MACROD2: variants seen among roughly 807,000 people sequenced by gnomAD.
MACROD2 encodes ADP-ribose glycohydrolase MACROD2.
MACROD2 carries 36 observed loss-of-function variants against 70.4 expected under a neutral mutation model. That is an observed-to-expected ratio of 0.51 (90% CI 0.39 to 0.68). MACROD2 has a LOEUF of 0.68. MACROD2 is among the 30% of genes least tolerant of loss of function. The probability of loss-of-function intolerance (pLI) is 0.00; values close to 1 mark genes in which losing one functional copy is unlikely to be tolerated. For missense variants in MACROD2, 496 were observed against 538.4 expected (o/e 0.92, Z 0.78); for synonymous variants, 172 against 178.8 (o/e 0.96, Z 0.30).
chr20:15,284,359 G>A (rs144210717), intron 6 of MACROD2, among the ~76,000 whole-genome samples: 1,892 of 152,146 alleles, frequency 0.012, 41 homozygotes, highest in African/African-American at 0.042. Context: ...TATTGTCATT[G>A]AATATGTTCC....
intron 4 of MACROD2, among the ~76,000 whole-genome samples, chr20:14,618,912 T>C (rs1007925812): frequency 1.3e-5 from 2 of 152,148 alleles, no homozygotes; most frequent in African/African-American, 4.8e-5. Flanking sequence ...GGCAAAACTA[T>C]TCAAATCCTT....
At chr20:14,492,347 A>G (rs1192882933) in intron 3 of MACROD2, among the ~76,000 whole-genome samples, 2 of 152,160 alleles carry the variant, frequency 1.3e-5, no homozygotes, top group African/African-American at 4.8e-5. Flanking sequence ...ATGAGACTAA[A>G]TTTGACACTC....
chr20:14,269,696 G>A (rs969369499), intron 3 of MACROD2, among the ~76,000 whole-genome samples: 2 of 151,944 alleles, frequency 1.3e-5, no homozygotes, highest in African/African-American at 4.8e-5. Flanking sequence ...AATAATGCAT[G>A]GTTTACTGGA....
chr20:14,001,709 G>A (rs1008554508), intron 1 of MACROD2, among the ~76,000 whole-genome samples: 17 of 152,198 alleles, frequency 1.1e-4, no homozygotes, highest in African/African-American at 4.1e-4. Flanking sequence ...TTTACTTACA[G>A]GGCAAGATGA....
intron 3 of MACROD2, among the ~76,000 whole-genome samples, chr20:14,376,366 C>T (rs1194585691): frequency 2.0e-5 from 3 of 152,094 alleles, no homozygotes; most frequent in African/African-American, 4.8e-5. Flanking sequence ...CCTTGGTGCA[C>T]ATGAAAATCA....
intron 5 of MACROD2, among the ~76,000 whole-genome samples, chr20:14,882,901 A>G (rs16995133): frequency 0.2 from 29,771 of 152,096 alleles, 3,564 homozygotes; most frequent in African/African-American, 0.33. Context: ...AAACAATTCC[A>G]CCAATGCTGA....
At chr20:15,140,090 C>T (rs1007851807) in intron 5 of MACROD2, among the ~76,000 whole-genome samples, 3 of 152,148 alleles carry the variant, frequency 2.0e-5, no homozygotes, top group East Asian at 3.9e-4. Flanking sequence ...CGCAAACTCA[C>T]GTTTGCAAGA....
chr20:15,037,840 C>G (rs1446829735), intron 5 of MACROD2, among the ~76,000 whole-genome samples: 1 of 151,840 alleles, frequency 6.6e-6, no homozygotes, highest in Non-Finnish European at 1.5e-5. Flanking sequence ...TACAATTAGA[C>G]AGGAGGACTA....
chr20:15,482,025 AATTGTC>A (rs1220631931), intron 7 of MACROD2, among the ~76,000 whole-genome samples: 2 of 152,142 alleles, frequency 1.3e-5, no homozygotes, highest in African/African-American at 4.8e-5. Flanking sequence ...GCAAGGAATG[AATTGTC>A]ATACCCACAC....
intron 15 of MACROD2, among the ~76,000 whole-genome samples, chr20:16,002,978 A>G (rs1011231418): frequency 3.9e-5 from 6 of 152,044 alleles, no homozygotes; most frequent in African/African-American, 1.2e-4. Context: ...TGCACTTTCA[A>G]TGATGTTTAT....
chr20:14,870,350 G>T (rs182344080), intron 5 of MACROD2, among the ~76,000 whole-genome samples: 31 of 152,174 alleles, frequency 2.0e-4, no homozygotes, highest in Non-Finnish European at 4.0e-4. Context: ...TCATTGATGG[G>T]TATCTAGGTT....
At chr20:15,600,264 T>G (rs190719268) in intron 8 of MACROD2, among the ~76,000 whole-genome samples, 1 of 152,232 alleles carries the variant, frequency 6.6e-6, no homozygotes, top group East Asian at 1.9e-4. Context: ...GTTTCAGCAC[T>G]CATTCTACAT....
intron 6 of MACROD2, among the ~76,000 whole-genome samples, chr20:15,411,943 CT>C (rs991124148): frequency 6.6e-6 from 1 of 152,190 alleles, no homozygotes; most frequent in African/African-American, 2.4e-5. Context: ...TGCCTCTGAT[CT>C]AGCTCTTGCT....
chr20:15,781,360 C>A (rs1204573883), intron 8 of MACROD2, among the ~76,000 whole-genome samples: 2 of 152,180 alleles, frequency 1.3e-5, no homozygotes, highest in Non-Finnish European at 2.9e-5. Flanking sequence ...GTGACCCATG[C>A]AGGGGAAACT....
chr20:15,257,030 C>T lies in MACROD2; in HGVS notation c.540+26969C>T, dbSNP rs142796901. On this transcript the variant is annotated intron_variant, in intron 6 of 17. Transcript: ENST00000684519. ...TACCAGCTTTTATGCAGGTAGACTCCGTGGAAACCATAGGACAATGACAAA... is the reference window on the plus strand; with the variant it reads ...TACCAGCTTTTATGCAGGTAGACTCTGTGGAAACCATAGGACAATGACAAA... Among the ~76,000 whole-genome samples the T allele has an allele frequency of 1.8e-4, 28 of 152,026 alleles. No homozygotes were observed. The East Asian group carries it at 4.6e-3, about 25-fold the overall frequency.
At chr20:14,789,702 C>T (rs1343966605) in intron 5 of MACROD2, among the ~76,000 whole-genome samples, 2 of 151,694 alleles carry the variant, frequency 1.3e-5, no homozygotes, top group Non-Finnish European at 2.9e-5. Flanking sequence ...TCTCGAACTC[C>T]TGACCTCAGG....
At chr20:14,970,494 A>AT (rs2074680574) in intron 5 of MACROD2, among the ~76,000 whole-genome samples, 1 of 152,090 alleles carries the variant, frequency 6.6e-6, no homozygotes, top group South Asian at 2.1e-4. Flanking sequence ...CAACAGAGCC[A>AT]TTTTTTCCTC....
chr20:15,016,116 G>T (rs2075119066), intron 5 of MACROD2, among the ~76,000 whole-genome samples: 2 of 152,144 alleles, frequency 1.3e-5, no homozygotes. Context: ...AGAATTAAAG[G>T]TCACAGACTC....
intron 3 of MACROD2, among the ~76,000 whole-genome samples, chr20:14,243,609 C>T: frequency 6.6e-6 from 1 of 152,172 alleles, no homozygotes; most frequent in Non-Finnish European, 1.5e-5. Flanking sequence ...CTTGGGATTT[C>T]TGACATTGGG....
Sources: gnomAD v4.1 joint callset for allele counts (sites outside exome capture counted in the v4.1 genomes callset) on GRCh38, gnomAD v4.1.1 for gene constraint, MANE v1.5 for transcripts, NCBI Gene and HGNC (gene_info 2026-07-23, HGNC 2026-07-21) for gene names.